The following CIITA variants were observed in gnomAD, a reference collection of about 807,000 sequenced individuals.
CIITA encodes MHC class II transactivator.
Under a neutral mutation model 115.1 loss-of-function variants are expected in CIITA, and 72 were observed. The ratio of observed to expected loss-of-function variants is 0.63; its 90% CI spans 0.52 to 0.76. The LOEUF is 0.76. Among genes scored for constraint, CIITA ranks in the 30% least tolerant of loss-of-function variants. The probability of loss-of-function intolerance (pLI) is 0.00; values close to 1 mark genes in which losing one functional copy is unlikely to be tolerated. For synonymous variants in CIITA, 763 were observed against 635.6 expected (o/e 1.20, Z -3.02); for missense variants, 1,617 against 1,463.8 (o/e 1.10, Z -1.71).
rs1264328868 is a variant in CIITA, at chr16:10,907,922, G to A, written c.2430G>A (p.Leu810=). The A allele has an allele frequency of 6.4e-7, 1 of 1,570,672 alleles. No individual in the cohort carries two copies. The highest frequency in any genetic ancestry group is 8.6e-7 in the Non-Finnish European group (1 of 1,159,824). Residue 810 remains leucine, a synonymous_variant, in exon 11 of 20, where the codon CTG becomes CTA. Coordinates refer to ENST00000324288, the MANE Select transcript of CIITA (RefSeq NM_000246.4). This position sits in a 1 kb window ranked among gnomAD's most constrained non-coding sequence, Gnocchi z 5.0. ...GGGCGCGGCAGCTGCTGGAGCTGCT[G>A]CACTGCGCCCACGAGGCCGAGGAGG... is the stretch of plus-strand genomic sequence containing the variant. ...TLRARQLLEL[L]HCAHEAEEAG...
chr16:10,872,653 C>A (rs550186000), upstream of CIITA, among the ~76,000 whole-genome samples: 1 of 152,254 alleles, frequency 6.6e-6, no homozygotes, highest in Non-Finnish European at 1.5e-5. Context: ...TTCTCATACA[C>A]CCTCCCATGT....
chr16:10,906,823 A>C lies in CIITA; in HGVS notation c.1331A>C (p.Gln444Pro). The C allele has an allele frequency of 6.2e-7, 1 of 1,613,006 alleles. No homozygotes were observed. Among genetic ancestry groups the C allele is most frequent in the Non-Finnish European group, 8.5e-7 (1 of 1,180,018 alleles). ...GCCTGGGCTTGTGGCCGGCTTCCCCAGTACGACTTTGTCTTCTCTGTCCCC... is the reference window on the plus strand; with the variant it reads ...GCCTGGGCTTGTGGCCGGCTTCCCCCGTACGACTTTGTCTTCTCTGTCCCC... ...SRAWACGRLP[Q>P]YDFVFSVPCH... The change falls in exon 11 of 20, where the codon CAG becomes CCG. Residue 444 changes from glutamine (Q) to proline (P), a missense_variant. Transcript: ENST00000324288.
chr16:10,881,677 A>G (rs914401362), intron 1 of CIITA, among the ~76,000 whole-genome samples: 1 of 152,236 alleles, frequency 6.6e-6, no homozygotes, highest in Non-Finnish European at 1.5e-5. Flanking sequence ...GGTAAAATAC[A>G]TATAACATAA....
upstream of CIITA, among the ~76,000 whole-genome samples, chr16:10,875,577 T>G (rs2035775545): frequency 6.6e-6 from 1 of 152,234 alleles, no homozygotes; most frequent in African/African-American, 2.4e-5. Context: ...TTCATTTCAG[T>G]ACCACCTTCA....
chr16:10,897,096 TG>T (rs2038209356), intron 3 of CIITA, among the ~76,000 whole-genome samples: 1 of 152,152 alleles, frequency 6.6e-6, no homozygotes, highest in African/African-American at 2.4e-5. Context: ...AGCAAATAGG[TG>T]AGGCAGTGCG....
In CIITA at chr16:10,904,511, G is replaced by C. The variant is rs554655881; in HGVS notation, c.938-233G>C. 3.4e-3 allele frequency among the ~76,000 whole-genome samples: 524 copies of C among 152,294 alleles called. 2 individuals are homozygous for C. Among genetic ancestry groups the C allele is most frequent in the Non-Finnish European group, 4.7e-3 (319 of 68,018 alleles). Reference sequence around the variant, plus strand: ...GCTGGGATTACAGGTGTGAGCCACTGCACCCAGCCTGATATTGCGATTTTC... The same window carrying C: ...GCTGGGATTACAGGTGTGAGCCACTCCACCCAGCCTGATATTGCGATTTTC... On this transcript the variant is annotated intron_variant, in intron 9 of 19. Transcript: ENST00000324288.
At position 10,920,364 on chromosome 16, in the gene CIITA, C is replaced by T. The variant is rs1019242702; in HGVS notation, c.3150-1803C>T. Among the ~76,000 whole-genome samples, 1 of 152,236 alleles carries T rather than the reference C, an allele frequency of 6.6e-6. No homozygotes were observed. The highest frequency in any genetic ancestry group is 2.4e-5 in the African/African-American group (1 of 41,452). ...CTGGGTTCAAGTGATTCTCATGCCT[C>T]AGCCTCCCAAGTAGCTGGGATTACA... On this transcript the variant is annotated intron_variant, in intron 16 of 19. Coordinates refer to ENST00000324288, the MANE Select transcript of CIITA (RefSeq NM_000246.4). This position sits in a 1 kb window ranked among gnomAD's most constrained non-coding sequence, Gnocchi z 4.5.
chr16:10,917,145 G>A (rs1394594799), intron 15 of CIITA: 2 of 192,216 alleles, frequency 1.0e-5, no homozygotes, highest in East Asian at 1.7e-4. Context: ...CTGGGAAGTT[G>A]GAGATGGATA....
In CIITA at chr16:10,942,448, G is replaced by C. The variant is rs1343006919; in HGVS notation, n.1574G>C. On this transcript the variant is annotated non_coding_transcript_exon_variant, in exon 2 of 2. Coordinates refer to the CIITA transcript ENST00000573379. This position sits in a 1 kb window ranked among gnomAD's most constrained non-coding sequence, Gnocchi z 5.0. ...CAGCACCCATGGCTGCGGCCGCCGC[G>C]TAGCCCTCCCGGTGGCGCTCGGAGC... 2 of 153,248 alleles carry C rather than the reference G, an allele frequency of 1.3e-5. No homozygotes were observed. Among genetic ancestry groups the C allele is most frequent in the African/African-American group, 2.4e-5 (1 of 41,482 alleles). The allele number at this position is 153,248 out of a possible 1,614,324, so 9.5% of individuals were successfully genotyped here.
At chr16:10,876,296 C>G (rs1032814195), upstream of CIITA, among the ~76,000 whole-genome samples, 25 of 152,212 alleles carry the variant, frequency 1.6e-4, no homozygotes, top group African/African-American at 6.0e-4. Context: ...ATTACAGGCA[C>G]AAGCCACCTG....
chr16:10,914,925 C>T (rs561756300), intron 13 of CIITA: 6 of 371,632 alleles, frequency 1.6e-5, no homozygotes, highest in South Asian at 1.0e-4. Context: ...AGGACCCCTT[C>T]CCCAGGCTGC....
In CIITA at chr16:10,889,083, G is replaced by T. The variant is rs112752283; in HGVS notation, c.53-6199G>T. Among the ~76,000 whole-genome samples the T allele has an allele frequency of 2.6e-3, 393 of 152,272 alleles. 1 individual carries two copies. The highest frequency in any genetic ancestry group is 8.6e-3 in the African/African-American group (358 of 41,562). On this transcript the variant is annotated intron_variant, in intron 1 of 19. Transcript: ENST00000324288. Reference sequence around the variant, plus strand: ...CACGGATGAAGAGAGGCTGCCATGCGCAGAAACATGCTGAGAGCTGGGAGA... The same window carrying T: ...CACGGATGAAGAGAGGCTGCCATGCTCAGAAACATGCTGAGAGCTGGGAGA...
Position 10,935,200 on chromosome 16 carries a change from T to C in CIITA, c.*11345T>C, listed in dbSNP as rs1204262494. The C allele has an allele frequency of 6.6e-6, 1 of 152,266 alleles. No individual in the cohort carries two copies. The highest frequency in any genetic ancestry group is 2.4e-5 in the African/African-American group (1 of 41,466). 9.4% of individuals were successfully genotyped at this position (152,266 alleles called of 1,614,324 possible). On this transcript the variant is annotated 3_prime_UTR_variant, in exon 20 of 20. Transcript: ENST00000324288. ...CCAAAATATGTCCAACTGCAAAGCA[T>C]GTAAGTAACAATTTTAGAGGGTATA...
chr16:10,899,657 T>C (rs186768616), intron 5 of CIITA, among the ~76,000 whole-genome samples: 14 of 152,338 alleles, frequency 9.2e-5, no homozygotes, highest in Admixed American at 9.2e-4. Context: ...TGAAAACATC[T>C]GTAAAATGGG....
intron 1 of CIITA, among the ~76,000 whole-genome samples, chr16:10,892,880 C>A (rs924460516): frequency 5.3e-5 from 8 of 152,048 alleles, no homozygotes; most frequent in African/African-American, 1.7e-4. Flanking sequence ...TGCAGTGAGC[C>A]GATACAGCGC....
rs896588230 is a variant in CIITA, at chr16:10,925,857, A to G, written c.*2002A>G. 1 of 152,224 alleles carries G rather than the reference A, an allele frequency of 6.6e-6. No individual in the cohort carries two copies. Among genetic ancestry groups the G allele is most frequent in the African/African-American group, 2.4e-5 (1 of 41,458 alleles). The allele number at this position is 152,224 out of a possible 1,614,324, so 9.4% of individuals were successfully genotyped here. A position where few individuals can be genotyped will look rare whatever the true frequency, so the allele number is the denominator to read the frequency against. ...AAGGTTGAAGCACCAAAAGCTTACC[A>G]AGGGGAATGTTTGCCTCTGCCTCTG... On this transcript the variant is annotated 3_prime_UTR_variant, in exon 20 of 20. Transcript: ENST00000324288.
At chr16:10,914,617 C>T (rs747168610) in intron 13 of CIITA, among the ~76,000 whole-genome samples, 19 of 152,266 alleles carry the variant, frequency 1.2e-4, no homozygotes, top group Middle Eastern at 3.4e-3. Flanking sequence ...AACGGCCCTT[C>T]GTTGTCCTTA....
Position 10,923,850 on chromosome 16 carries a change from C to G in CIITA, c.*23-28C>G, listed in dbSNP as rs945831179. The G allele has an allele frequency of 3.7e-5, 6 of 164,196 alleles. No homozygotes were observed. Among genetic ancestry groups the G allele is most frequent in the African/African-American group, 1.4e-4 (6 of 41,730 alleles). 10.2% of individuals were successfully genotyped at this position (164,196 alleles called of 1,614,324 possible). A position where few individuals can be genotyped will look rare whatever the true frequency, so the allele number is the denominator to read the frequency against. ...CCCCTCCTAGAGTGTCCTGCCTAAACCCCCTCTCCTGGCTCCTCCCGCTAC... is the reference window on the plus strand; with the variant it reads ...CCCCTCCTAGAGTGTCCTGCCTAAAGCCCCTCTCCTGGCTCCTCCCGCTAC... On this transcript the variant is annotated intron_variant, in intron 19 of 19. Coordinates refer to ENST00000324288, the MANE Select transcript of CIITA (RefSeq NM_000246.4). The surrounding 1 kb of genome is among the most constrained non-coding windows in gnomAD (Gnocchi z 5.2).
chr16:10,893,916 A>T (rs1262718041), intron 1 of CIITA, among the ~76,000 whole-genome samples: 1 of 149,480 alleles, frequency 6.7e-6, no homozygotes, highest in African/African-American at 2.5e-5. Context: ...AGCACATTTC[A>T]TCACCCCCTA....
Sources: gnomAD v4.1 joint callset for allele counts (sites outside exome capture counted in the v4.1 genomes callset) on GRCh38, gnomAD v4.1.1 for gene constraint, Gnocchi (gnomAD v3.1) non-coding constraint, MANE v1.5 for transcripts, NCBI Gene and HGNC (gene_info 2026-07-23, HGNC 2026-07-21) for gene names.